Variants in SRFBP1 observed in about 807,000 individuals in gnomAD.
SRFBP1 encodes serum response factor-binding protein 1.
A neutral mutation model predicts 45.5 loss-of-function variants in SRFBP1; 47 were observed. The ratio of observed to expected loss-of-function variants is 1.03; its 90% CI spans 0.82 to 1.32. The LOEUF (loss-of-function observed/expected upper bound fraction) is 1.32. Ranked by LOEUF, SRFBP1 falls within the 40% of genes most tolerant of loss-of-function variation. SRFBP1 has a pLI of 0.00. For synonymous variants in SRFBP1, 203 were observed against 166.3 expected, an observed-to-expected ratio of 1.22 and a Z score of -1.70; for missense variants, 621 against 484.6, an observed-to-expected ratio of 1.28 and a Z score of -2.64.
intron 4 of SRFBP1, among the ~76,000 whole-genome samples, chr5:122,016,957 G>A (rs935134369): frequency 2.9e-4 from 44 of 152,200 alleles, no homozygotes; most frequent in Non-Finnish European, 5.9e-4. Flanking sequence ...TTGGCCAGGC[G>A]CGGTGGCTCA....
In SRFBP1 at chr5:122,054,661, A is replaced by G. The variant is rs755232580; in HGVS notation, n.312-20654A>G. ...ATAGTATCTTTTACTGCCTTTTCTG[A>G]GTAATGATTAAATTAATATATTTAT... On this transcript the variant is annotated intron_variant and non_coding_transcript_variant, in intron 2 of 2. Transcript: ENST00000504881. Among the ~76,000 whole-genome samples the G allele has an allele frequency of 8.5e-5, 13 of 152,194 alleles. 1 individual carries two copies. The highest frequency in any genetic ancestry group is 1.8e-4 in the Non-Finnish European group (12 of 68,050).
At chr5:122,051,553 T>C (rs1163502988) in intron 2 of SRFBP1, among the ~76,000 whole-genome samples, 1 of 152,082 alleles carries the variant, frequency 6.6e-6, no homozygotes, top group Admixed American at 6.6e-5. Flanking sequence ...GTTTAAAGTC[T>C]GTTTTGTCTG....
chr5:121,995,389 C>G (rs1413813040), intron 4 of SRFBP1, among the ~76,000 whole-genome samples: 3 of 152,270 alleles, frequency 2.0e-5, no homozygotes, highest in African/African-American at 4.8e-5. Context: ...TACATGGAAG[C>G]TGAACAACCT....
intron 3 of SRFBP1, among the ~76,000 whole-genome samples, chr5:121,988,229 G>A (rs2112667680): frequency 6.6e-6 from 1 of 152,234 alleles, no homozygotes; most frequent in Non-Finnish European, 1.5e-5. Flanking sequence ...CAGAATACAA[G>A]GATTCTAGTC....
chr5:121,993,731 C>T (rs576355648), intron 3 of SRFBP1, among the ~76,000 whole-genome samples: 22 of 152,138 alleles, frequency 1.4e-4, no homozygotes, highest in Non-Finnish European at 2.5e-4. Flanking sequence ...AAATGCTTTT[C>T]ATAAGTTTTG....
chr5:121,992,397 T>C (rs1459667542), intron 3 of SRFBP1, among the ~76,000 whole-genome samples: 2 of 151,982 alleles, frequency 1.3e-5, no homozygotes, highest in Non-Finnish European at 2.9e-5. Flanking sequence ...TTGTTGTTGT[T>C]GTTTTGTTTT....
rs1470636674 is a variant in SRFBP1, at chr5:121,975,311, G to T, written c.126-4G>T. ...GGCTACATATCGTAATGTATTTTTT[G>T]CAGGGGTACTGAAGATGCACTGTTA... On this transcript the variant is annotated splice_polypyrimidine_tract_variant and splice_region_variant and intron_variant, in intron 2 of 7. Coordinates refer to ENST00000339397, the MANE Select transcript of SRFBP1 (RefSeq NM_152546.3). 1 of 1,609,410 alleles carries T rather than the reference G, an allele frequency of 6.2e-7. No homozygotes were observed. The highest frequency in any genetic ancestry group is 1.7e-5 in the Admixed American group (1 of 59,864).
At chr5:121,995,865 T>C (rs2112677036) in intron 4 of SRFBP1, among the ~76,000 whole-genome samples, 1 of 151,916 alleles carries the variant, frequency 6.6e-6, no homozygotes, top group Admixed American at 6.6e-5. Context: ...CAAACTACCA[T>C]CAGAGAATAC....
chr5:121,999,694 C>T (rs958224340), intron 4 of SRFBP1, among the ~76,000 whole-genome samples: 24 of 152,028 alleles, frequency 1.6e-4, no homozygotes, highest in Admixed American at 1.6e-3. Flanking sequence ...AATGGCCCTC[C>T]TTAACCCCGA....
chr5:121,969,355 A>G (rs1752142135), intron 1 of SRFBP1, among the ~76,000 whole-genome samples: 1 of 152,034 alleles, frequency 6.6e-6, no homozygotes, highest in African/African-American at 2.4e-5. Context: ...ATCTGTTCCC[A>G]TAATTGAGTT....
At chr5:122,029,279 C>T (rs1242195976), downstream of SRFBP1, among the ~76,000 whole-genome samples, 5 of 152,092 alleles carry the variant, frequency 3.3e-5, no homozygotes, top group Non-Finnish European at 5.9e-5. Flanking sequence ...TCATCTGACT[C>T]CACTACGAGG....
intron 4 of SRFBP1, among the ~76,000 whole-genome samples, chr5:122,004,486 G>A (rs1463436514): frequency 2.0e-5 from 3 of 152,090 alleles, no homozygotes; most frequent in African/African-American, 7.2e-5. Context: ...TGGTCAGTAT[G>A]ATTAGTGTTT....
intron 1 of SRFBP1, among the ~76,000 whole-genome samples, chr5:121,967,510 C>T (rs1476306114): frequency 6.6e-6 from 1 of 152,098 alleles, no homozygotes; most frequent in Non-Finnish European, 1.5e-5. Flanking sequence ...AGTTATCATC[C>T]ATATGATAAA....
At position 122,013,692 on chromosome 5, in the gene SRFBP1, A is replaced by G. The variant is rs553100173; in HGVS notation, c.271-5568A>G. ...ATAATGAATAAAAAATAACATTTTAATGACTTAACTGTTTTTAGTTCAGGA... is the reference window on the plus strand; with the variant it reads ...ATAATGAATAAAAAATAACATTTTAGTGACTTAACTGTTTTTAGTTCAGGA... On this transcript the variant is annotated intron_variant, in intron 4 of 7. Transcript: ENST00000339397. Among the ~76,000 whole-genome samples the G allele has an allele frequency of 6.6e-5, 10 of 152,292 alleles. 1 individual carries two copies. The East Asian group carries it at 1.3e-3, about 21-fold the overall frequency.
At chr5:122,061,896 A>G (rs1276298878) in intron 2 of SRFBP1, among the ~76,000 whole-genome samples, 1 of 151,984 alleles carries the variant, frequency 6.6e-6, no homozygotes, top group East Asian at 1.9e-4. Context: ...TATAGCTCAA[A>G]TGCTGCCACA....
chr5:122,003,781 C>T (rs925390603), intron 4 of SRFBP1, among the ~76,000 whole-genome samples: 12 of 151,968 alleles, frequency 7.9e-5, no homozygotes, highest in African/African-American at 2.4e-4. Context: ...TATCTCGTTA[C>T]GGTTTTAATT....
intron 2 of SRFBP1, among the ~76,000 whole-genome samples, chr5:122,048,580 C>T (rs1377529816): frequency 6.6e-6 from 1 of 152,112 alleles, no homozygotes; most frequent in East Asian, 1.9e-4. Flanking sequence ...AGGGAGGATT[C>T]CCTCTTTTTC....
chr5:121,978,265 C>G (rs182591984), intron 3 of SRFBP1, among the ~76,000 whole-genome samples: 9 of 152,244 alleles, frequency 5.9e-5, no homozygotes, highest in African/African-American at 2.2e-4. Context: ...AACTGAGCAA[C>G]TTATAACTGA....
At chr5:122,074,167 T>C (rs149104138) in intron 2 of SRFBP1, 1 of 1,611,356 alleles carries the variant, frequency 6.2e-7, no homozygotes, top group African/African-American at 1.3e-5. Flanking sequence ...ACTGTGGTAA[T>C]GTCTGATGTC....
Sources: gnomAD v4.1 joint callset for allele counts (sites outside exome capture counted in the v4.1 genomes callset) on GRCh38, gnomAD v4.1.1 for gene constraint, MANE v1.5 for transcripts, NCBI Gene and HGNC (gene_info 2026-07-23, HGNC 2026-07-21) for gene names.